The following ZNF462 variants were observed in gnomAD, a reference collection of about 807,000 sequenced individuals.
The protein encoded by ZNF462 is zinc finger protein 462.
In ZNF462, 10 loss-of-function variants were observed where a neutral mutation model predicts 201.9. That is an observed-to-expected ratio of 0.05 (90% CI 0.03 to 0.08). ZNF462 has a LOEUF of 0.08. Ranked by LOEUF, ZNF462 falls within the 10% of genes least tolerant of loss-of-function variation. The pLI is 1.00. For missense variants in ZNF462, 2,523 were observed against 3,168.3 expected (o/e 0.80, Z 4.89); for synonymous variants, 1,227 against 1,193.3 (o/e 1.03, Z -0.58).
intron 1 of ZNF462, among the ~76,000 whole-genome samples, chr9:106,899,820 T>C (rs1828979092): frequency 1.3e-5 from 2 of 151,402 alleles, no homozygotes; most frequent in East Asian, 3.9e-4. Flanking sequence ...GTGGCTTTTC[T>C]TTTTTTTTAA....
intron 7 of ZNF462, among the ~76,000 whole-genome samples, chr9:106,947,263 C>A (rs74712209): frequency 6.6e-6 from 1 of 152,178 alleles, no homozygotes; most frequent in African/African-American, 2.4e-5. Context: ...CAGCACACTG[C>A]TTGTGGAGAA....
intron 1 of ZNF462, among the ~76,000 whole-genome samples, chr9:106,914,562 A>G (rs1460410533): frequency 2.6e-5 from 4 of 152,170 alleles, no homozygotes; most frequent in Non-Finnish European, 5.9e-5. Flanking sequence ...TTGGAATCCT[A>G]TCATTCAGAA....
chr9:106,976,868 A>G (rs557493443), intron 9 of ZNF462, among the ~76,000 whole-genome samples: 1 of 152,306 alleles, frequency 6.6e-6, no homozygotes, highest in African/African-American at 2.4e-5. Context: ...AAGGCTAACA[A>G]CTTGACGAAC....
chr9:106,908,435 T>C (rs1412307712), intron 1 of ZNF462, among the ~76,000 whole-genome samples: 1 of 152,144 alleles, frequency 6.6e-6, no homozygotes, highest in East Asian at 1.9e-4. Flanking sequence ...AAAGCTTTTG[T>C]ATCTTGAATT....
In ZNF462 at chr9:107,010,876, T is replaced by A. The variant is rs1244442005; in HGVS notation, c.7367T>A (p.Ile2456Asn). The A allele has an allele frequency of 1.2e-6, 2 of 1,613,312 alleles. No individual in the cohort carries two copies. Among genetic ancestry groups the A allele is most frequent in the Non-Finnish European group, 1.7e-6 (2 of 1,179,742 alleles). The change falls in exon 13 of 13, where the codon ATC becomes AAC. Residue 2456 changes from isoleucine to asparagine, a missense_variant. By Grantham distance (149) the Ile-to-Asn change is moderately radical. Transcript: ENST00000277225. The surrounding 1 kb of genome is among the most constrained non-coding windows in gnomAD (Gnocchi z 4.6). ...VSREEIHPKE[I>N]MENSVKMPSI... ...AGAGAAGAAATCCACCCAAAAGAGA[T>A]CATGGAGAACAGTGTTAAAATGCCC...
chr9:106,904,300 T>C (rs1829177246), intron 1 of ZNF462, among the ~76,000 whole-genome samples: 1 of 152,250 alleles, frequency 6.6e-6, no homozygotes, highest in East Asian at 1.9e-4. Flanking sequence ...AGAAATCTTC[T>C]GTTAATCTGA....
At chr9:106,862,781 C>G (rs531306272), upstream of ZNF462, among the ~76,000 whole-genome samples, 1 of 152,326 alleles carries the variant, frequency 6.6e-6, no homozygotes, top group South Asian at 2.1e-4. This position sits in a 1 kb window ranked among gnomAD's most constrained non-coding sequence, Gnocchi z 4.2. Context: ...TTCTGCTCTT[C>G]TCGAGCTCTT....
chr9:106,927,801 T>C lies in ZNF462; in HGVS notation c.3889T>C (p.Ser1297Pro). The C allele has an allele frequency of 6.2e-7, 1 of 1,614,136 alleles. No individual in the cohort carries two copies. Among genetic ancestry groups the C allele is most frequent in the Non-Finnish European group, 8.5e-7 (1 of 1,180,036 alleles). Residue 1297 changes from serine (S) to proline (P), a missense_variant, in exon 3 of 13, where the codon TCC becomes CCC. Ser to Pro is a moderately conservative substitution (Grantham distance 74, BLOSUM62 -1). Around this residue, in one of 15 missense-constraint regions of ZNF462, gnomAD observed 222 missense variants for 271.6 expected, o/e 0.82. Transcript: ENST00000277225. Reference sequence around the variant, plus strand: ...CCCCGCCCTGAAAGCCACAGTCACGTCCATCATGCGATGGGCATTTCTAGA... The same window carrying C: ...CCCCGCCCTGAAAGCCACAGTCACGCCCATCATGCGATGGGCATTTCTAGA... The part of the protein sequence containing the change: ...DHPALKATVT[S>P]IMRWAFLDGL...
At position 106,872,846 on chromosome 9, in the gene ZNF462, A is replaced by G. The variant is rs1827654078; in HGVS notation, c.-31+9491A>G. Among the ~76,000 whole-genome samples the G allele has an allele frequency of 6.6e-6, 1 of 152,230 alleles. No individual in the cohort carries two copies. Among genetic ancestry groups the G allele is most frequent in the Non-Finnish European group, 1.5e-5 (1 of 68,042 alleles). On this transcript the variant is annotated intron_variant, in intron 1 of 12. Coordinates refer to ENST00000277225, the MANE Select transcript of ZNF462 (RefSeq NM_021224.6). The surrounding 1 kb of genome is among the most constrained non-coding windows in gnomAD (Gnocchi z 4.5). ...GGAATACCACATAGGACCTTAAAAA[A>G]TGCTGTCTTCCCTCGTGGACTGACT...
Position 107,009,349 on chromosome 9 carries a change from CCAGAAA to C in ZNF462, c.7190-192_7190-187del, listed in dbSNP as rs1281189662. The C allele has an allele frequency of 1.5e-6, 1 of 646,300 alleles. No individual in the cohort carries two copies. The highest frequency in any genetic ancestry group is 1.8e-5 in the African/African-American group (1 of 54,884). 40.0% of individuals were successfully genotyped at this position (646,300 alleles called of 1,614,324 possible). On this transcript the variant is annotated intron_variant, in intron 11 of 12. Transcript: ENST00000277225. The surrounding 1 kb of genome is among the most constrained non-coding windows in gnomAD (Gnocchi z 6.1). The stretch of plus-strand genomic sequence containing the variant: ...GAAATGAGGTCTTGGGGCCCAAGAA[CCAGAAA>C]CAGTTCTCGAATGCTATTCAAGGAA...
At chr9:106,988,269 G>C (rs1388095694) in intron 10 of ZNF462, among the ~76,000 whole-genome samples, 1 of 146,754 alleles carries the variant, frequency 6.8e-6, no homozygotes, top group Admixed American at 6.7e-5. Flanking sequence ...CAGGCAAAAA[G>C]AGAAGGAGGA....
At chr9:106,946,691 C>G (rs555679095) in intron 7 of ZNF462, among the ~76,000 whole-genome samples, 150 of 151,808 alleles carry the variant, frequency 9.9e-4, no homozygotes, top group African/African-American at 3.3e-3. Flanking sequence ...TGAAGAGCCC[C>G]GGTGTTGTGG....
Position 106,929,356 on chromosome 9 carries a change from A to C in ZNF462, c.5444A>C (p.His1815Pro). The change falls in exon 3 of 13, where the codon CAT (histidine) becomes CCT (proline). Residue 1815 changes from histidine to proline, a missense_variant. This residue lies in a region of ZNF462 where 207 missense variants were observed against 231.6 expected (regional missense o/e 0.89). Coordinates refer to ENST00000277225, the MANE Select transcript of ZNF462 (RefSeq NM_021224.6). This position sits in a 1 kb window ranked among gnomAD's most constrained non-coding sequence, Gnocchi z 8.7. ...GYFTAVYADEHEKPTLMEEEE... is the reference protein window; with the variant it reads ...GYFTAVYADEPEKPTLMEEEE... ...TTCACGGCCGTCTATGCAGATGAGC[A>C]TGAGAAGCCCACACTGATGGAAGAA... 1.2e-6 allele frequency: 2 copies of C among 1,614,178 alleles called. No homozygotes were observed. The highest frequency in any genetic ancestry group is 1.7e-6 in the Non-Finnish European group (2 of 1,180,040).
Position 106,886,668 on chromosome 9 carries a change from G to T in ZNF462, c.-31+23313G>T, listed in dbSNP as rs1048996327. Among the ~76,000 whole-genome samples, 1 of 152,168 alleles carries T rather than the reference G, an allele frequency of 6.6e-6. No individual in the cohort carries two copies. The highest frequency in any genetic ancestry group is 1.5e-5 in the Non-Finnish European group (1 of 68,026). ...CCCTTCATTTTACAGCTCTGGAAAG[G>T]CTGAAATGATGTGTCCAAAGTCCAC... On this transcript the variant is annotated intron_variant, in intron 1 of 12. Transcript: ENST00000277225. The surrounding 1 kb of genome is among the most constrained non-coding windows in gnomAD (Gnocchi z 4.6).
At position 106,970,116 on chromosome 9, in the gene ZNF462, G is replaced by T. The variant is rs1456279869; in HGVS notation, c.6428-1889G>T. On this transcript the variant is annotated intron_variant, in intron 7 of 12. Coordinates refer to ENST00000277225, the MANE Select transcript of ZNF462 (RefSeq NM_021224.6). The surrounding 1 kb of genome is among the most constrained non-coding windows in gnomAD (Gnocchi z 4.2). Reference sequence around the variant, plus strand: ...ATTGTGATCCAGAGTGGGTTCATCAGCTAGGGTAGAGGAATAAAGAAAAAG... The same window carrying T: ...ATTGTGATCCAGAGTGGGTTCATCATCTAGGGTAGAGGAATAAAGAAAAAG... Among the ~76,000 whole-genome samples, 2 of 152,220 alleles carry T rather than the reference G, an allele frequency of 1.3e-5. No homozygotes were observed. The highest frequency in any genetic ancestry group is 4.8e-5 in the African/African-American group (2 of 41,446).
rs570430166 is a variant in ZNF462 at position 106,950,696 on chromosome 9, A to T, written c.6427+11589A>T. Among the ~76,000 whole-genome samples, 11 of 152,346 alleles carry T rather than the reference A, an allele frequency of 7.2e-5. No homozygotes were observed. The East Asian group carries it at 2.1e-3, about 29-fold the overall frequency. ...AGTTCTGTGTGTTGTTCTGTGGACAATAAAATAAGATCATTTTTGCTAATA... is the reference window on the plus strand; with the variant it reads ...AGTTCTGTGTGTTGTTCTGTGGACATTAAAATAAGATCATTTTTGCTAATA... On this transcript the variant is annotated intron_variant, in intron 7 of 12. Transcript: ENST00000277225. The surrounding 1 kb of genome is among the most constrained non-coding windows in gnomAD (Gnocchi z 4.1).
intron 1 of ZNF462, among the ~76,000 whole-genome samples, chr9:106,904,168 T>C (rs1465908515): frequency 6.6e-6 from 1 of 152,190 alleles, no homozygotes; most frequent in African/African-American, 2.4e-5. Context: ...AAAACAAGTG[T>C]ATCTTTCCTT....
At chr9:106,976,060 C>A (rs1235184902) in intron 9 of ZNF462, 1 of 152,220 alleles carries the variant, frequency 6.6e-6, no homozygotes, top group Non-Finnish European at 1.5e-5. Context: ...CCATCTACTT[C>A]ATTTCACAAA....
chr9:106,891,407 T>C (rs1828571362), intron 1 of ZNF462, among the ~76,000 whole-genome samples: 1 of 152,174 alleles, frequency 6.6e-6, no homozygotes, highest in East Asian at 1.9e-4. Context: ...CTCATCTTGT[T>C]GGCGGAGACA....
Sources: allele counts gnomAD v4.1 joint callset (sites outside exome capture counted in the v4.1 genomes callset), GRCh38; gene constraint gnomAD v4.1.1; regional missense constraint gnomAD v4.1.1; non-coding constraint Gnocchi (gnomAD v3.1); transcripts MANE v1.5; gene names NCBI Gene and HGNC (gene_info 2026-07-23, HGNC 2026-07-21).